Variants in MTNR1A observed in about 807,000 individuals in gnomAD.
MTNR1A encodes melatonin receptor 1A, also known as melatonin receptor type 1A.
A neutral mutation model predicts 5.5 loss-of-function variants in MTNR1A; 7 were observed. The ratio of observed to expected loss-of-function variants is 1.28; its 90% CI spans 0.73 to 2.40. The LOEUF is 2.40. Among genes scored for constraint, MTNR1A ranks in the 30% most tolerant of loss-of-function variants. MTNR1A has a pLI of 0.00. For missense variants in MTNR1A, 441 were observed against 464.4 expected, an observed-to-expected ratio of 0.95 and a Z score of 0.46; for synonymous variants, 196 against 202.7, an observed-to-expected ratio of 0.97 and a Z score of 0.28.
At chr4:186,550,066 A>G (rs530308649) in intron 1 of MTNR1A, among the ~76,000 whole-genome samples, 3 of 152,342 alleles carry the variant, frequency 2.0e-5, no homozygotes, top group African/African-American at 4.8e-5. Flanking sequence ...CTGTAGAAAG[A>G]CAAGTGTTTG....
At chr4:186,550,096 C>A (rs1482954778) in intron 1 of MTNR1A, among the ~76,000 whole-genome samples, 3 of 152,154 alleles carry the variant, frequency 2.0e-5, no homozygotes, top group African/African-American at 7.2e-5. Flanking sequence ...TCCAGAGAAT[C>A]CAGCAGTTTA....
intron 1 of MTNR1A, among the ~76,000 whole-genome samples, chr4:186,543,777 G>A (rs1737079007): frequency 6.6e-6 from 1 of 152,204 alleles, no homozygotes; most frequent in Non-Finnish European, 1.5e-5. Context: ...TGCTTTGTTA[G>A]ATGGAAGCAT....
chr4:186,548,819 A>G (rs1256068219), intron 1 of MTNR1A, among the ~76,000 whole-genome samples: 2 of 76,492 alleles, frequency 2.6e-5, no homozygotes, highest in Non-Finnish European at 5.0e-5. Flanking sequence ...AGATATATAT[A>G]TATATATATA....
intron 1 of MTNR1A, among the ~76,000 whole-genome samples, chr4:186,547,107 C>G (rs62350395): frequency 0.24 from 1,742 of 7,254 alleles, 488 homozygotes; most frequent in East Asian, 0.58. Context: ...CACCCTGTTC[C>G]TGGGACACAC....
chr4:186,541,899 G>A (rs57274505), intron 1 of MTNR1A, among the ~76,000 whole-genome samples: 2 of 152,140 alleles, frequency 1.3e-5, no homozygotes, highest in Non-Finnish European at 2.9e-5. Flanking sequence ...TTAGAAAACC[G>A]GTTATGGGGC....
intron 1 of MTNR1A, among the ~76,000 whole-genome samples, chr4:186,542,204 A>G (rs1401164564): frequency 6.6e-6 from 1 of 152,220 alleles, no homozygotes; most frequent in Non-Finnish European, 1.5e-5. Flanking sequence ...AAAATCAGCC[A>G]GACGCTGCTG....
At chr4:186,546,807 C>T (rs539922932) in intron 1 of MTNR1A, among the ~76,000 whole-genome samples, 1 of 151,234 alleles carries the variant, frequency 6.6e-6, no homozygotes, top group Non-Finnish European at 1.5e-5. Flanking sequence ...ACACCGTCCA[C>T]ACCACACCCT....
intron 1 of MTNR1A, among the ~76,000 whole-genome samples, chr4:186,538,379 T>G (rs927330544): frequency 2.0e-5 from 3 of 152,264 alleles, no homozygotes; most frequent in Non-Finnish European, 4.4e-5. Context: ...AAGGCGGAAG[T>G]GCAGCAGTAG....
Position 186,534,447 on chromosome 4 carries a change from G to A in MTNR1A, c.295C>T (p.His99Tyr). Residue 99 changes from histidine (H) to tyrosine (Y), a missense_variant, in exon 2 of 2, where the codon CAC becomes TAC. By Grantham distance (83) the His-to-Tyr change is moderately conservative (BLOSUM62 2). Transcript: ENST00000307161. ...FNNGWNLGYLHCQVSGFLMGL... is the reference protein window; with the variant it reads ...FNNGWNLGYLYCQVSGFLMGL... ...ATCAGGAACCCACTGACTTGGCAGTGCAGATAGCCCAGGTTCCACCCGTTG... is the reference window on the plus strand; with the variant it reads ...ATCAGGAACCCACTGACTTGGCAGTACAGATAGCCCAGGTTCCACCCGTTG... The A allele has an allele frequency of 6.2e-7, 1 of 1,614,136 alleles. No homozygotes were observed. Among genetic ancestry groups the A allele is most frequent in the East Asian group, 2.2e-5 (1 of 44,870 alleles).
At chr4:186,549,628 A>G (rs1050918423) in intron 1 of MTNR1A, among the ~76,000 whole-genome samples, 5 of 152,208 alleles carry the variant, frequency 3.3e-5, no homozygotes, top group African/African-American at 1.2e-4. Flanking sequence ...TTTCTGCTGT[A>G]TAAATATGCT....
intron 1 of MTNR1A, among the ~76,000 whole-genome samples, chr4:186,552,928 G>C (rs28447403): frequency 0.26 from 39,910 of 152,168 alleles, 6,598 homozygotes; most frequent in Non-Finnish European, 0.37. Flanking sequence ...TGCAGCCTGC[G>C]TCGGCTGTGG....
intron 1 of MTNR1A, among the ~76,000 whole-genome samples, chr4:186,536,026 T>C (rs1284407717): frequency 1.3e-5 from 2 of 152,150 alleles, no homozygotes; most frequent in African/African-American, 4.8e-5. Flanking sequence ...GAAACAGGAA[T>C]TGAGAGACAG....
Position 186,555,214 on chromosome 4 carries a change from G to T in MTNR1A, c.152C>A (p.Ser51Ter). Reference protein sequence around the residue: ...DILGNLLVILSVYRNKKLRNA... With the variant: ...DILGNLLVIL ...CCTGAGCTTCTTGTTCCGATACACC[G>T]ACAGGATGACCAGGAGGTTGCCCAG... The change falls in exon 1 of 2, where the codon TCG becomes TAG. Residue 51 changes from serine (S) to a stop codon, truncating the protein, a stop_gained. Transcript: ENST00000307161. LOFTEE classifies it low-confidence loss of function (END_TRUNC). This position sits in a 1 kb window ranked among gnomAD's most constrained non-coding sequence, Gnocchi z 4.1. 4 of 1,594,326 alleles carry T rather than the reference G, an allele frequency of 2.5e-6. No individual in the cohort carries two copies. Among genetic ancestry groups the T allele is most frequent in the African/African-American group, 2.7e-5 (2 of 74,734 alleles).
At chr4:186,536,682 T>G (rs753015934) in intron 1 of MTNR1A, among the ~76,000 whole-genome samples, 4 of 152,206 alleles carry the variant, frequency 2.6e-5, no homozygotes, top group Non-Finnish European at 4.4e-5. Context: ...GCAGTCAAGA[T>G]GAGAGAAAGG....
At chr4:186,553,023 A>G (rs1484329290) in intron 1 of MTNR1A, among the ~76,000 whole-genome samples, 1 of 152,210 alleles carries the variant, frequency 6.6e-6, no homozygotes, top group Non-Finnish European at 1.5e-5. Flanking sequence ...TCCCTTGAGG[A>G]GAGGAAGGTG....
intron 1 of MTNR1A, among the ~76,000 whole-genome samples, chr4:186,550,694 A>C (rs1490060846): frequency 6.6e-6 from 1 of 152,254 alleles, no homozygotes; most frequent in African/African-American, 2.4e-5. Context: ...GAAGGCAAGC[A>C]AAAGTAAGCT....
intron 1 of MTNR1A, among the ~76,000 whole-genome samples, chr4:186,553,925 A>G (rs1393379093): frequency 6.6e-6 from 1 of 152,200 alleles, no homozygotes; most frequent in East Asian, 1.9e-4. Flanking sequence ...AACCGGGCTC[A>G]CACCTACAGT....
intron 1 of MTNR1A, among the ~76,000 whole-genome samples, chr4:186,554,516 G>C (rs1737330321): frequency 1.3e-5 from 2 of 152,130 alleles, no homozygotes; most frequent in Admixed American, 1.3e-4. Context: ...TGCATTGCTC[G>C]GAGGAAAAAG....
At chr4:186,534,583 C>G in intron 1 of MTNR1A, 26 bp from the exon 2 acceptor site, 1 of 1,603,448 alleles carries the variant, frequency 6.2e-7, no homozygotes, top group Non-Finnish European at 8.5e-7. Flanking sequence ...TTAGAAAATA[C>G]AGTGAATACC....
Sources: allele counts gnomAD v4.1 joint callset (sites outside exome capture counted in the v4.1 genomes callset), GRCh38; gene constraint gnomAD v4.1.1; non-coding constraint Gnocchi (gnomAD v3.1); transcripts MANE v1.5; gene names NCBI Gene and HGNC (gene_info 2026-07-23, HGNC 2026-07-21).